Variants in C4BPA observed in about 807,000 individuals in gnomAD.
The protein encoded by C4BPA is C4b-binding protein alpha chain.
Under a neutral mutation model 63.7 loss-of-function variants are expected in C4BPA, and 31 were observed. That is an observed-to-expected ratio of 0.49 (90% CI 0.37 to 0.66). C4BPA has a LOEUF of 0.66. Among genes scored for constraint, C4BPA ranks in the 30% least tolerant of loss-of-function variants. C4BPA has a pLI of 0.00. For synonymous variants in C4BPA, 259 were observed against 254.7 expected, an observed-to-expected ratio of 1.02 and a Z score of -0.16; for missense variants, 572 against 723.3, an observed-to-expected ratio of 0.79 and a Z score of 2.40.
At chr1:207,135,462 T>C (rs1426008703) in intron 9 of C4BPA, among the ~76,000 whole-genome samples, 1 of 152,198 alleles carries the variant, frequency 6.6e-6, no homozygotes, top group African/African-American at 2.4e-5. Flanking sequence ...CAGGCATTAG[T>C]TGCAGCTTAT....
At chr1:207,104,588 C>T (rs1684523153) in intron 1 of C4BPA, among the ~76,000 whole-genome samples, 158 bp downstream of exon 1, 1 of 152,092 alleles carries the variant, frequency 6.6e-6, no homozygotes, top group African/African-American at 2.4e-5. Context: ...GGATGTAAGA[C>T]TTGAGACGTA....
Position 207,144,725 on chromosome 1 carries a change from C to T in C4BPA, c.*8C>T. 1 of 1,587,220 alleles carries T rather than the reference C, an allele frequency of 6.3e-7. No individual in the cohort carries two copies. Among genetic ancestry groups the T allele is most frequent in the South Asian group, 1.1e-5 (1 of 87,402 alleles). Reference sequence around the variant, plus strand: ...TTGGATAAAGAACTATAATTTTTCTCAAAAGAAGGAGGAAAAGGTGTCTTG... The same window carrying T: ...TTGGATAAAGAACTATAATTTTTCTTAAAAGAAGGAGGAAAAGGTGTCTTG... On this transcript the variant is annotated 3_prime_UTR_variant, in exon 12 of 12. Transcript: ENST00000367070.
In C4BPA at chr1:207,124,341, G is replaced by C; in HGVS notation, c.681G>C (p.Trp227Cys). 6.2e-7 allele frequency: 1 copy of C among 1,613,088 alleles called. No homozygotes were observed. Among genetic ancestry groups the C allele is most frequent in the Non-Finnish European group, 8.5e-7 (1 of 1,179,284 alleles). ...CTVENETIGVWRPSPPTCEKI... is the reference protein window; with the variant it reads ...CTVENETIGVCRPSPPTCEKI... ...TGGAGAATGAAACAATAGGTGTTTG[G>C]AGACCAAGCCCTCCTACCTGTGAAA... The change falls in exon 6 of 12, where the codon TGG becomes TGC. Residue 227 changes from tryptophan (W) to cysteine (C), a missense_variant. Transcript: ENST00000367070.
intron 4 of C4BPA, among the ~76,000 whole-genome samples, chr1:207,123,118 C>CCCAT (rs1372170850): frequency 2.6e-5 from 4 of 152,158 alleles, no homozygotes; most frequent in Non-Finnish European, 5.9e-5. Flanking sequence ...CTAAGGTGTT[C>CCCAT]CCATTGAAAC....
chr1:207,136,804 G>A (rs544851036), intron 9 of C4BPA, among the ~76,000 whole-genome samples: 4 of 152,150 alleles, frequency 2.6e-5, no homozygotes, highest in Admixed American at 2.0e-4. Context: ...TTGCATGCAC[G>A]AGCCATAAAG....
chr1:207,116,496 GTGTGTGTGTGTGTGTGTATA>G (rs1409488224), intron 4 of C4BPA, among the ~76,000 whole-genome samples: 38 of 63,886 alleles, frequency 5.9e-4, no homozygotes, highest in South Asian at 4.0e-3. Context: ...TTTTCCCACA[GTGTGTGTGTGTGTGTGTATA>G]TGTGTGTGTG....
Position 207,134,545 on chromosome 1 carries a change from G to A in C4BPA, c.1226G>A (p.Cys409Tyr). 6.2e-7 allele frequency: 1 copy of A among 1,613,912 alleles called. No individual in the cohort carries two copies. The highest frequency in any genetic ancestry group is 8.5e-7 in the Non-Finnish European group (1 of 1,179,820). The change falls in exon 9 of 12, where the codon TGC (cysteine) becomes TAC (tyrosine). Residue 409 changes from cysteine to tyrosine, a missense_variant. This residue lies in a region of C4BPA where 465 missense variants were observed against 629.4 expected (regional missense o/e 0.74). Coordinates refer to ENST00000367070, the MANE Select transcript of C4BPA (RefSeq NM_000715.4). ...GAGACCAGTAGGTTTTCAGCTATAT[G>A]CCAAGGAGATGGCACGTGGAGTCCC... is the stretch of plus-strand genomic sequence containing the variant. Reference protein sequence around the residue: ...CHETSRFSAICQGDGTWSPRT... With the variant: ...CHETSRFSAIYQGDGTWSPRT...
At chr1:207,140,174 TG>T (rs1375209865) in intron 9 of C4BPA, among the ~76,000 whole-genome samples, 2 of 152,210 alleles carry the variant, frequency 1.3e-5, no homozygotes, top group East Asian at 1.9e-4. Context: ...TGACCTTTTT[TG>T]TCATCAGCTC....
chr1:207,130,411 C>T (rs1685134817), intron 7 of C4BPA, among the ~76,000 whole-genome samples: 1 of 152,142 alleles, frequency 6.6e-6, no homozygotes, highest in South Asian at 2.1e-4. Context: ...TGAAGTTTAA[C>T]CATGGAGTTA....
In C4BPA at chr1:207,131,745, G is replaced by A. The variant is rs545894314; in HGVS notation, c.1084+5G>A. ...CCCCATACCAAGGATGTGAGGGTGAGTTTTTGTTTTTTAATATTTTTGTAT... is the reference window on the plus strand; with the variant it reads ...CCCCATACCAAGGATGTGAGGGTGAATTTTTGTTTTTTAATATTTTTGTAT... On this transcript the variant is annotated splice_donor_5th_base_variant and intron_variant, in intron 8 of 11. Coordinates refer to ENST00000367070, the MANE Select transcript of C4BPA (RefSeq NM_000715.4). 7.5e-6 allele frequency: 12 copies of A among 1,597,866 alleles called. No homozygotes were observed. In the South Asian group the frequency reaches 1.2e-4, roughly 17 times the overall value.
chr1:207,115,547 T>TTATATTTATTTAAAAA (rs1401296097), intron 4 of C4BPA, 32 bp downstream of exon 4: 2 of 1,159,480 alleles, frequency 1.7e-6, no homozygotes, highest in Non-Finnish European at 2.4e-6. Flanking sequence ...AACAATTCTT[T>TTATATTTATTTAAAAA]TATATTTATT....
At chr1:207,142,564 A>G (rs1254422251) in intron 10 of C4BPA, among the ~76,000 whole-genome samples, 1 of 152,062 alleles carries the variant, frequency 6.6e-6, no homozygotes, top group Non-Finnish European at 1.5e-5. Flanking sequence ...ATTTTTCCAC[A>G]ACCTCTCCAG....
chr1:207,118,582 C>T (rs147148018), intron 4 of C4BPA, among the ~76,000 whole-genome samples: 332 of 152,262 alleles, frequency 2.2e-3, no homozygotes, highest in African/African-American at 7.4e-3. Flanking sequence ...GGGGTAACTG[C>T]CCCCATGATT....
intron 3 of C4BPA, among the ~76,000 whole-genome samples, 200 bp downstream of exon 3, chr1:207,114,485 CTTTTTTTTTTT>C (rs34895847): frequency 5.0e-5 from 3 of 59,538 alleles, no homozygotes; most frequent in South Asian, 1.1e-3. Context: ...TAACTCTGTT[CTTTTTTTTTTT>C]TTTTTTTTTT....
Position 207,123,977 on chromosome 1 carries a change from G to C in C4BPA, c.484G>C (p.Gly162Arg). Residue 162 changes from glycine to arginine, a missense_variant, in exon 5 of 12, where the codon GGC (glycine) becomes CGC (arginine). Transcript: ENST00000367070. ...SRCEVQDRGV[G>R]WSHPLPQCEI... ...TTGTGAAGTCCAAGATAGAGGAGTT[G>C]GCTGGAGTCATCCTCTCCCACAATG... is the stretch of plus-strand genomic sequence containing the variant. 6.2e-7 allele frequency: 1 copy of C among 1,611,390 alleles called. No homozygotes were observed. Among genetic ancestry groups the C allele is most frequent in the Non-Finnish European group, 8.5e-7 (1 of 1,178,278 alleles).
chr1:207,132,192 G>A (rs570178067), intron 8 of C4BPA, among the ~76,000 whole-genome samples: 1 of 152,190 alleles, frequency 6.6e-6, no homozygotes, highest in Non-Finnish European at 1.5e-5. Flanking sequence ...CCATGAGATG[G>A]CAGGGCTTCC....
At chr1:207,143,722 G>A in intron 10 of C4BPA, 96 bp from the exon 11 acceptor site, 1 of 819,352 alleles carries the variant, frequency 1.2e-6, no homozygotes, top group Non-Finnish European at 1.9e-6. Context: ...AGAACAATTA[G>A]CAGAACTAAA....
At chr1:207,115,042 C>A (rs1472621103) in intron 3 of C4BPA, among the ~76,000 whole-genome samples, 1 of 152,144 alleles carries the variant, frequency 6.6e-6, no homozygotes, top group African/African-American at 2.4e-5. Flanking sequence ...CAGGGGTATA[C>A]AATCAATACT....
rs1235601292 is a variant in C4BPA, at chr1:207,143,922, G to A, written c.1549G>A (p.Val517Met). Residue 517 changes from valine (V) to methionine (M), a missense_variant, in exon 11 of 12, where the codon GTG (valine) becomes ATG (methionine). Around this residue, in one of 2 missense-constraint regions of C4BPA, gnomAD observed 465 missense variants for 629.4 expected, o/e 0.74. Coordinates refer to ENST00000367070, the MANE Select transcript of C4BPA (RefSeq NM_000715.4). ...VTIQCDSGYG[V>M]VGPQSITCSG... ...CATCCAATGTGATTCTGGCTATGGT[G>A]TGGTTGGTCCCCAAAGTATCACTTG... is the stretch of plus-strand genomic sequence containing the variant. The A allele has an allele frequency of 2.5e-6, 4 of 1,612,448 alleles. No homozygotes were observed. Among genetic ancestry groups the A allele is most frequent in the African/African-American group, 2.7e-5 (2 of 74,854 alleles).
Sources: gnomAD v4.1 joint callset for allele counts (sites outside exome capture counted in the v4.1 genomes callset) on GRCh38, gnomAD v4.1.1 for gene constraint, gnomAD v4.1.1 regional missense constraint, MANE v1.5 for transcripts, NCBI Gene and HGNC (gene_info 2026-07-23, HGNC 2026-07-21) for gene names.